Variants in MAP4 observed in about 807,000 individuals in gnomAD.
MAP4 encodes the protein microtubule-associated protein 4.
MAP4 carries 76 observed loss-of-function variants against 170.2 expected under a neutral mutation model. That is an observed-to-expected ratio of 0.45 (90% CI 0.37 to 0.54). The LOEUF is 0.54. Among genes scored for constraint, MAP4 ranks in the 20% least tolerant of loss-of-function variants. MAP4 has a pLI of 0.00. For synonymous variants in MAP4, 909 were observed against 994.5 expected, an observed-to-expected ratio of 0.91 and a Z score of 1.62; for missense variants, 2,506 against 2,748.0, an observed-to-expected ratio of 0.91 and a Z score of 1.97.
At chr3:47,907,789 G>A (rs2100033942) in intron 9 of MAP4, among the ~76,000 whole-genome samples, 1 of 152,204 alleles carries the variant, frequency 6.6e-6, no homozygotes, top group South Asian at 2.1e-4. Flanking sequence ...CTCAATGAAT[G>A]CTGGAAAGCC....
chr3:47,916,699 G>C lies in MAP4; in HGVS notation c.1128C>G (p.Asn376Lys). ...PSKDMGPPKE[N>K]KKETERASPI... ...GAGATGCCCTCTCTGTTTCTTTCTT[G>C]TTTTCTTTGGGTGGTCCCATGTCCT... Residue 376 changes from asparagine (N) to lysine (K), a missense_variant, in exon 7 of 21, where the codon AAC becomes AAG. This residue lies in a region of MAP4 where 2,008 missense variants were observed against 2,206.0 expected (regional missense o/e 0.91). Coordinates refer to ENST00000683076, the MANE Select transcript of MAP4 (RefSeq NM_001385682.1). 1 of 1,613,986 alleles carries C rather than the reference G, an allele frequency of 6.2e-7. No individual in the cohort carries two copies. The highest frequency in any genetic ancestry group is 8.5e-7 in the Non-Finnish European group (1 of 1,179,990).
At chr3:48,014,413 A>G (rs2100106776) in intron 1 of MAP4, among the ~76,000 whole-genome samples, 1 of 152,166 alleles carries the variant, frequency 6.6e-6, no homozygotes, top group Non-Finnish European at 1.5e-5. Context: ...GAAAGGTGCT[A>G]CTATGGGAGC....
At chr3:47,952,973 C>T (rs1308469497) in intron 3 of MAP4, among the ~76,000 whole-genome samples, 1 of 151,986 alleles carries the variant, frequency 6.6e-6, no homozygotes, top group African/African-American at 2.4e-5. Flanking sequence ...ATTTTATATG[C>T]TTACATATTT....
At chr3:47,974,980 A>G (rs1010634442) in intron 3 of MAP4, 3 of 986,350 alleles carry the variant, frequency 3.0e-6, no homozygotes, top group Non-Finnish European at 3.6e-6. Flanking sequence ...AGAAAAGGAA[A>G]TTCGCTGCAG....
intron 3 of MAP4, among the ~76,000 whole-genome samples, chr3:47,950,246 T>C (rs1411046483): frequency 6.6e-6 from 1 of 152,204 alleles, no homozygotes; most frequent in Non-Finnish European, 1.5e-5. Flanking sequence ...AATAATTCTT[T>C]ATGTTAACTT....
chr3:47,910,885 A>AC lies in MAP4; in HGVS notation c.3535dup (p.Val1179GlyfsTer9). The AC allele has an allele frequency of 6.5e-7, 1 of 1,536,132 alleles. No individual in the cohort carries two copies. Among genetic ancestry groups the AC allele is most frequent in the Middle Eastern group, 1.7e-4 (1 of 5,990 alleles). On this transcript the variant is annotated frameshift_variant, in exon 9 of 21. Coordinates refer to ENST00000683076, the MANE Select transcript of MAP4 (RefSeq NM_001385682.1). LOFTEE classifies it high-confidence loss of function. Reference sequence around the variant, plus strand: ...GTTATTGACACCCATATCTTTGACTACATCTCCTGTTTCTGTGCTAACACC... The same window carrying AC: ...GTTATTGACACCCATATCTTTGACTACCATCTCCTGTTTCTGTGCTAACACC...
At chr3:48,031,728 A>G (rs2100116208) in intron 1 of MAP4, among the ~76,000 whole-genome samples, 1 of 152,160 alleles carries the variant, frequency 6.6e-6, no homozygotes, top group Non-Finnish European at 1.5e-5. Flanking sequence ...CTTTCTCAAA[A>G]AAAAATTAGC....
chr3:47,994,724 TG>T (rs2100094361), intron 2 of MAP4, among the ~76,000 whole-genome samples: 1 of 152,058 alleles, frequency 6.6e-6, no homozygotes. Flanking sequence ...CCAAGGCAAG[TG>T]GATCACCTGA....
chr3:47,961,280 T>C (rs1278741496), intron 3 of MAP4, among the ~76,000 whole-genome samples: 1 of 152,086 alleles, frequency 6.6e-6, no homozygotes, highest in South Asian at 2.1e-4. Context: ...GGCCGGAGGA[T>C]TGCTTGAGCT....
chr3:47,922,043 G>A (rs1261026758), intron 4 of MAP4, among the ~76,000 whole-genome samples, 165 bp from the exon 5 acceptor site: 1 of 151,866 alleles, frequency 6.6e-6, no homozygotes, highest in East Asian at 1.9e-4. Context: ...TACCTCCCAG[G>A]TTCAAGCAAT....
intron 2 of MAP4, among the ~76,000 whole-genome samples, chr3:47,984,144 C>A (rs1366766140): frequency 6.6e-6 from 1 of 152,112 alleles, no homozygotes; most frequent in Non-Finnish European, 1.5e-5. Flanking sequence ...AAGACTACCA[C>A]CACACCCAGT....
chr3:48,080,332 A>C (rs1167228583), intron 1 of MAP4, among the ~76,000 whole-genome samples: 1 of 152,254 alleles, frequency 6.6e-6, no homozygotes. Flanking sequence ...ATTTGTCTAG[A>C]TTATCTCTAA....
chr3:47,973,235 C>T (rs1390714661), intron 3 of MAP4: 16 of 979,950 alleles, frequency 1.6e-5, no homozygotes, highest in Non-Finnish European at 1.8e-5. Context: ...AAACAAAGTT[C>T]TACATCTTCA....
At chr3:47,986,336 TG>T (rs1251797182) in intron 2 of MAP4, among the ~76,000 whole-genome samples, 4 of 151,956 alleles carry the variant, frequency 2.6e-5, no homozygotes, top group Admixed American at 1.3e-4. Context: ...TTTTGTTTTT[TG>T]GGGGGTTTTT....
At chr3:47,877,673 TC>T in intron 10 of MAP4, 150 bp from the exon 11 acceptor site, 1 of 545,388 alleles carries the variant, frequency 1.8e-6, no homozygotes. Context: ...TGGACAAGCC[TC>T]CCAAGTTCTC....
intron 1 of MAP4, among the ~76,000 whole-genome samples, chr3:48,087,745 G>GCGCACACACA (rs1491486983): frequency 3.8e-4 from 40 of 105,678 alleles, no homozygotes; most frequent in Admixed American, 1.3e-3. Flanking sequence ...ACACGCACGC[G>GCGCACACACA]CACACACACA....
At position 47,852,627 on chromosome 3, in the gene MAP4, C is replaced by G. The variant is rs1290057573; in HGVS notation, c.*307G>C. On this transcript the variant is annotated 3_prime_UTR_variant, in exon 21 of 21. Transcript: ENST00000683076. ...CCCAACCCCCTCCCAACCTCCTCCACGGAGCAGTGGCGCAGTGATGGGGCA... is the reference window on the plus strand; with the variant it reads ...CCCAACCCCCTCCCAACCTCCTCCAGGGAGCAGTGGCGCAGTGATGGGGCA... 3.0e-5 allele frequency: 29 copies of G among 968,618 alleles called. No individual in the cohort carries two copies. The highest frequency in any genetic ancestry group is 4.1e-5 in the Non-Finnish European group (28 of 678,432). 60.0% of individuals were successfully genotyped at this position (968,618 alleles called of 1,614,324 possible). A position where few individuals can be genotyped will look rare whatever the true frequency, so the allele number is the denominator to read the frequency against.
rs146937170 is a variant in MAP4 at position 47,965,030 on chromosome 3, C to T, written c.292+12835G>A. Among the ~76,000 whole-genome samples the T allele has an allele frequency of 9.3e-3, 1,423 of 152,246 alleles. 11 individuals carry two copies. The highest frequency in any genetic ancestry group is 0.021 in the East Asian group (107 of 5,182). The stretch of plus-strand genomic sequence containing the variant: ...CACATCCATTCCCCGCCTCTCCCAG[C>T]CCCTGGGAACCACCATTCTACTTTG... On this transcript the variant is annotated intron_variant, in intron 3 of 20. Coordinates refer to ENST00000683076, the MANE Select transcript of MAP4 (RefSeq NM_001385682.1).
At chr3:47,876,627 A>G (rs1172250145) in intron 11 of MAP4, among the ~76,000 whole-genome samples, 2 of 152,160 alleles carry the variant, frequency 1.3e-5, no homozygotes, top group African/African-American at 4.8e-5. Context: ...GACCCTGGAC[A>G]ACATGCTGAA....
Sources: allele counts gnomAD v4.1 joint callset (sites outside exome capture counted in the v4.1 genomes callset), GRCh38; gene constraint gnomAD v4.1.1; regional missense constraint gnomAD v4.1.1; transcripts MANE v1.5; gene names NCBI Gene and HGNC (gene_info 2026-07-23, HGNC 2026-07-21).